The following SETDB2 variants were observed in gnomAD, a reference collection of about 807,000 sequenced individuals.
The protein encoded by SETDB2 is histone-lysine N-methyltransferase SETDB2.
SETDB2 carries 56 observed loss-of-function variants against 82.5 expected under a neutral mutation model. The observed-to-expected ratio is 0.68, with a 90% CI of 0.55 to 0.85. The LOEUF (loss-of-function observed/expected upper bound fraction) is 0.85, where lower values mean the gene tolerates loss of function less well. Among genes scored for constraint, SETDB2 ranks in the 40% least tolerant of loss-of-function variants. The probability of loss-of-function intolerance (pLI) is 0.00; values close to 1 mark genes in which losing one functional copy is unlikely to be tolerated. For missense variants in SETDB2, 677 were observed against 816.4 expected (o/e 0.83, Z 2.08); for synonymous variants, 272 against 284.9 (o/e 0.95, Z 0.46).
At chr13:49,452,005 C>A in intron 2 of SETDB2, 96 bp downstream of exon 2, 1 of 873,912 alleles carries the variant, frequency 1.1e-6, no homozygotes, top group Non-Finnish European at 1.7e-6. Context: ...TTTTGCATTG[C>A]GAGGAACTTT....
intron 2 of SETDB2, among the ~76,000 whole-genome samples, chr13:49,454,800 T>C (rs1361989725): frequency 6.6e-6 from 1 of 152,192 alleles, no homozygotes; most frequent in African/African-American, 2.4e-5. Flanking sequence ...ATAGTTGTAA[T>C]GTATGGATTG....
rs763431063 is a variant in SETDB2 at position 49,481,000 on chromosome 13, G to A, written c.1040G>A (p.Arg347Gln). ...CKCNRQLCQN[R>Q]VVQHGPQVRL... ...TGTAATCGACAATTGTGTCAAAACCGAGTTGTCCAACATGGTCCTCAAGTG... is the reference window on the plus strand; with the variant it reads ...TGTAATCGACAATTGTGTCAAAACCAAGTTGTCCAACATGGTCCTCAAGTG... The change falls in exon 8 of 14, where the codon CGA becomes CAA. Residue 347 changes from arginine (R) to glutamine (Q), a missense_variant. This residue lies in a region of SETDB2 where 420 missense variants were observed against 554.6 expected (regional missense o/e 0.76). Transcript: ENST00000611815. 26 of 1,614,156 alleles carry A rather than the reference G, an allele frequency of 1.6e-5. No individual in the cohort carries two copies. The highest frequency in any genetic ancestry group is 2.0e-5 in the Non-Finnish European group (24 of 1,179,984).
intron 4 of SETDB2, among the ~76,000 whole-genome samples, chr13:49,462,641 T>C (rs1470639979): frequency 6.6e-6 from 1 of 152,234 alleles, no homozygotes; most frequent in Non-Finnish European, 1.5e-5. Flanking sequence ...TGCTGAAGTT[T>C]TAAGGAAGTA....
At chr13:49,472,965 C>G (rs1958279635) in intron 5 of SETDB2, among the ~76,000 whole-genome samples, 1 of 151,972 alleles carries the variant, frequency 6.6e-6, no homozygotes, top group Non-Finnish European at 1.5e-5. Context: ...CAAGTTTTAC[C>G]AGCATATTTA....
intron 5 of SETDB2, among the ~76,000 whole-genome samples, chr13:49,469,839 T>G (rs1958191457): frequency 6.6e-6 from 1 of 152,162 alleles, no homozygotes; most frequent in Non-Finnish European, 1.5e-5. Context: ...TCCTCTTGTT[T>G]CCAACTTGAG....
rs767834897 is a variant in SETDB2 at position 49,488,305 on chromosome 13, A to G, written c.1592A>G (p.Asn531Ser). The G allele has an allele frequency of 5.7e-6, 9 of 1,586,260 alleles. No individual in the cohort carries two copies. In the Admixed American group the frequency reaches 1.5e-4, roughly 27 times the overall value. Residue 531 changes from asparagine (N) to serine (S), a missense_variant, in exon 12 of 14, where the codon AAC becomes AGC. By Grantham distance (46) the Asn-to-Ser change is conservative. Coordinates refer to ENST00000611815, the MANE Select transcript of SETDB2 (RefSeq NM_001160308.3). ...TGTCTATTAGAGGACTCAAGTTCAA[A>G]CCATGTTGATGAGTTTGAAGATAAT... ...TKGAQKDSSSNHVDEFEDNLL... is the reference protein window; with the variant it reads ...TKGAQKDSSSSHVDEFEDNLL...
intron 10 of SETDB2, among the ~76,000 whole-genome samples, chr13:49,484,426 T>C (rs1313246931): frequency 6.6e-6 from 1 of 152,070 alleles, no homozygotes; most frequent in Non-Finnish European, 1.5e-5. Context: ...CCTGCCACCA[T>C]GCCCAGCTAC....
chr13:49,480,131 A>T, intron 6 of SETDB2, 88 bp from the exon 7 acceptor site: 1 of 819,542 alleles, frequency 1.2e-6, no homozygotes, highest in Non-Finnish European at 2.0e-6. Flanking sequence ...TACATCTTTT[A>T]TTACATCATT....
At position 49,471,913 on chromosome 13, in the gene SETDB2, C is replaced by CATATAT. The variant is rs1232849321; in HGVS notation, c.305+3970_305+3975dup. 3.3e-3 allele frequency among the ~76,000 whole-genome samples: 353 copies of CATATAT among 107,698 alleles called. 3 individuals are homozygous for CATATAT. Among genetic ancestry groups the CATATAT allele is most frequent in the African/African-American group, 0.012 (337 of 27,186 alleles). 70.7% of individuals were successfully genotyped at this position (107,698 alleles called of 152,430 possible). A position where few individuals can be genotyped will look rare whatever the true frequency, so the allele number is the denominator to read the frequency against. On this transcript the variant is annotated intron_variant, in intron 5 of 13. Coordinates refer to ENST00000611815, the MANE Select transcript of SETDB2 (RefSeq NM_001160308.3). ...CTAGTGCAAGTGTTATCTCATGTGACATATATATATATATATATATATTTT... is the reference window on the plus strand; with the variant it reads ...CTAGTGCAAGTGTTATCTCATGTGACATATATATATATATATATATATATATATTTT...
intron 6 of SETDB2, among the ~76,000 whole-genome samples, chr13:49,478,385 A>G (rs1462531593): frequency 6.6e-6 from 1 of 152,204 alleles, no homozygotes; most frequent in Admixed American, 6.5e-5. Context: ...TATTAATGAA[A>G]ACCTTGTTAA....
rs143353499 is a variant in SETDB2 at position 49,477,808 on chromosome 13, G to A, written c.869+769G>A. On this transcript the variant is annotated intron_variant, in intron 6 of 13. Coordinates refer to ENST00000611815, the MANE Select transcript of SETDB2 (RefSeq NM_001160308.3). ...ATTTGAACCCATGTTCTTAACCATTGGGTTATATGTTGCATTTTACTTTTA... is the reference window on the plus strand; with the variant it reads ...ATTTGAACCCATGTTCTTAACCATTAGGTTATATGTTGCATTTTACTTTTA... 2.0e-5 allele frequency among the ~76,000 whole-genome samples: 3 copies of A among 152,260 alleles called. No homozygotes were observed. The East Asian group carries it at 5.8e-4, about 29-fold the overall frequency.
chr13:49,487,983 A>G (rs1030295083), intron 11 of SETDB2, among the ~76,000 whole-genome samples: 1 of 152,218 alleles, frequency 6.6e-6, no homozygotes. Context: ...ATGAGTAGAG[A>G]TTAAATATAA....
rs368192957 is a variant in SETDB2 at position 49,477,058 on chromosome 13, C to T, written c.869+19C>T. 22 of 1,537,610 alleles carry T rather than the reference C, an allele frequency of 1.4e-5. No homozygotes were observed. The highest frequency in any genetic ancestry group is 2.8e-5 in the African/African-American group (2 of 71,834). ...TAGACATGTGAGTAGAAAAACATGG[C>T]GTTTCAAAAAAATCTTCTGAATGTA... On this transcript the variant is annotated intron_variant, in intron 6 of 13. Transcript: ENST00000611815.
chr13:49,483,014 TG>T, intron 9 of SETDB2, 52 bp downstream of exon 9: 1 of 1,156,442 alleles, frequency 8.6e-7, no homozygotes, highest in Non-Finnish European at 1.3e-6. Context: ...ATCAATCAAT[TG>T]GTTCTTTTTC....
At chr13:49,466,148 T>C (rs1043881005) in intron 4 of SETDB2, among the ~76,000 whole-genome samples, 1 of 151,946 alleles carries the variant, frequency 6.6e-6, no homozygotes, top group African/African-American at 2.4e-5. Context: ...GAATAGGGAG[T>C]CTTGACTGGG....
chr13:49,486,589 G>A (rs1958602473), intron 11 of SETDB2, among the ~76,000 whole-genome samples: 1 of 152,176 alleles, frequency 6.6e-6, no homozygotes, highest in Non-Finnish European at 1.5e-5. Context: ...GTGCAAAGCA[G>A]CCACTTTCAA....
intron 1 of SETDB2, among the ~76,000 whole-genome samples, chr13:49,446,140 T>C (rs576745126): frequency 6.6e-6 from 1 of 152,222 alleles, no homozygotes; most frequent in East Asian, 1.9e-4. Context: ...AGTTTGACAA[T>C]ATGCTATAAA....
chr13:49,487,329 A>G (rs192463646), intron 11 of SETDB2, among the ~76,000 whole-genome samples: 201 of 151,906 alleles, frequency 1.3e-3, no homozygotes, highest in South Asian at 5.8e-3. Flanking sequence ...ACATGCATTC[A>G]TATCTTTTCT....
At chr13:49,488,217 T>G in intron 11 of SETDB2, 73 bp from the exon 12 acceptor site, 1 of 1,502,468 alleles carries the variant, frequency 6.7e-7, no homozygotes, top group Non-Finnish European at 8.8e-7. Context: ...TAGCATCTAA[T>G]TAGTGTTGTT....
Sources: gnomAD v4.1 joint callset for allele counts (sites outside exome capture counted in the v4.1 genomes callset) on GRCh38, gnomAD v4.1.1 for gene constraint, gnomAD v4.1.1 regional missense constraint, MANE v1.5 for transcripts, NCBI Gene and HGNC (gene_info 2026-07-23, HGNC 2026-07-21) for gene names.